RASGEF1A: variants seen among roughly 807,000 people sequenced by gnomAD.
RASGEF1A encodes RasGEF domain family member 1A, also known as ras-GEF domain-containing family member 1A.
RASGEF1A carries 18 observed loss-of-function variants against 56.4 expected under a neutral mutation model. That is an observed-to-expected ratio of 0.32 (90% CI 0.22 to 0.47). RASGEF1A has a LOEUF of 0.47. Ranked by LOEUF, RASGEF1A falls within the 20% of genes least tolerant of loss-of-function variation. The pLI is 1.00. For synonymous variants in RASGEF1A, 245 were observed against 242.6 expected, an observed-to-expected ratio of 1.01 and a Z score of -0.09; for missense variants, 422 against 627.1, an observed-to-expected ratio of 0.67 and a Z score of 3.49.
intron 1 of RASGEF1A, among the ~76,000 whole-genome samples, chr10:43,253,258 AT>A (rs1437422647): frequency 6.6e-6 from 1 of 152,106 alleles, no homozygotes; most frequent in African/African-American, 2.4e-5. Context: ...CCGTGTGTGG[AT>A]TTGAGGTCCT....
intron 1 of RASGEF1A, among the ~76,000 whole-genome samples, chr10:43,216,598 T>G (rs1173924534): frequency 2.0e-5 from 3 of 152,152 alleles, no homozygotes; most frequent in African/African-American, 7.2e-5. Flanking sequence ...TCCTGGATAG[T>G]AGACAGTGCT....
At chr10:43,215,975 C>A (rs533759867) in intron 1 of RASGEF1A, among the ~76,000 whole-genome samples, 3 of 152,330 alleles carry the variant, frequency 2.0e-5, no homozygotes, top group Non-Finnish European at 4.4e-5. Context: ...TGGACAGAAG[C>A]GCTGGCGCCA....
At chr10:43,244,703 A>G (rs1840550783) in intron 1 of RASGEF1A, among the ~76,000 whole-genome samples, 1 of 152,196 alleles carries the variant, frequency 6.6e-6, no homozygotes, top group Non-Finnish European at 1.5e-5. Context: ...TAACCAATGG[A>G]AAAAGAAGAA....
At position 43,210,853 on chromosome 10, in the gene RASGEF1A, C is replaced by CT. The variant is rs1270114640; in HGVS notation, c.-6-4732_-6-4731insA. 1.2e-3 allele frequency among the ~76,000 whole-genome samples: 178 copies of CT among 150,554 alleles called. 35 individuals are homozygous for CT. The highest frequency in any genetic ancestry group is 4.1e-3 in the African/African-American group (166 of 40,774). On this transcript the variant is annotated intron_variant, in intron 1 of 12. Coordinates refer to ENST00000395810, the MANE Select transcript of RASGEF1A (RefSeq NM_145313.4). ...TGGGGCTGGCCTGGAAGAGCAGCAG[C>CT]CCCTTGCAGGGAGTGGGGGACAGGC...
At chr10:43,227,847 T>A (rs1047989409) in intron 1 of RASGEF1A, among the ~76,000 whole-genome samples, 6 of 152,052 alleles carry the variant, frequency 3.9e-5, no homozygotes, top group African/African-American at 1.4e-4. Context: ...ACCTTCCCCA[T>A]CTCAATGAAA....
intron 1 of RASGEF1A, among the ~76,000 whole-genome samples, chr10:43,212,171 A>G (rs1275667112): frequency 6.6e-6 from 1 of 152,172 alleles, no homozygotes; most frequent in Admixed American, 6.5e-5. Context: ...CTGTTTTGAG[A>G]CACAGAAGTT....
At chr10:43,246,721 CA>C (rs971869322) in intron 1 of RASGEF1A, among the ~76,000 whole-genome samples, 3 of 152,132 alleles carry the variant, frequency 2.0e-5, no homozygotes, top group African/African-American at 7.2e-5. Flanking sequence ...TAGCCTCAAA[CA>C]AAGGAACACA....
intron 1 of RASGEF1A, among the ~76,000 whole-genome samples, chr10:43,221,528 C>T (rs970200195): frequency 2.0e-5 from 3 of 152,176 alleles, no homozygotes; most frequent in Admixed American, 6.5e-5. Flanking sequence ...TGATGTGCTA[C>T]CCAGGGCAAC....
chr10:43,217,026 C>T (rs1308774340), intron 1 of RASGEF1A, among the ~76,000 whole-genome samples: 1 of 152,194 alleles, frequency 6.6e-6, no homozygotes, highest in Admixed American at 6.5e-5. Context: ...AAAAAGAGCC[C>T]TCCGGGATCC....
chr10:43,199,033 G>A (rs549544015), intron 8 of RASGEF1A, 21 bp from the exon 9 acceptor site: 27 of 1,611,622 alleles, frequency 1.7e-5, no homozygotes, highest in South Asian at 1.5e-4. Flanking sequence ...CAGCAGGTAG[G>A]GTCAGGGCCG....
chr10:43,203,195 C>A, intron 3 of RASGEF1A, 103 bp downstream of exon 3: 2 of 1,231,192 alleles, frequency 1.6e-6, no homozygotes, highest in South Asian at 2.8e-5. Context: ...TGACCCCATC[C>A]CCCAGCTCTA....
intron 1 of RASGEF1A, among the ~76,000 whole-genome samples, chr10:43,221,401 C>T (rs1043544976): frequency 5.9e-5 from 9 of 152,324 alleles, no homozygotes; most frequent in Admixed American, 5.2e-4. Context: ...TCCATGCCTC[C>T]CCAGGGTGGC....
rs1391398811 is a variant in RASGEF1A at position 43,229,745 on chromosome 10, C to A, written c.-6-23623G>T. 3 of 1,324,044 alleles carry A rather than the reference C, an allele frequency of 2.3e-6. No homozygotes were observed. The African/African-American group carries it at 4.6e-5, about 20-fold the overall frequency. 82.0% of individuals were successfully genotyped at this position (1,324,044 alleles called of 1,614,324 possible). A position where few individuals can be genotyped will look rare whatever the true frequency, so the allele number is the denominator to read the frequency against. The stretch of plus-strand genomic sequence containing the variant: ...CCGCGAGCCAAGCAAGCACCCACTC[C>A]TGCGCCGGCCCCTGCCGCTGGACGC... On this transcript the variant is annotated intron_variant, in intron 1 of 12. Transcript: ENST00000395810.
intron 1 of RASGEF1A, among the ~76,000 whole-genome samples, chr10:43,245,691 C>A (rs186903286): frequency 6.8e-4 from 103 of 152,228 alleles, no homozygotes; most frequent in African/African-American, 2.1e-3. Context: ...GCAGAAAAAT[C>A]ATTTAATAAA....
Position 43,203,297 on chromosome 10 carries a change from C to A in RASGEF1A, c.321+1G>T, listed in dbSNP as rs1839938660. ...CGTGCCCCAGCCAGGCCCCGCCTCA[C>A]CTTTTCAGGCCCGGCTTCCAGCTGC... is the stretch of plus-strand genomic sequence containing the variant. On this transcript the variant is annotated splice_donor_variant, in intron 3 of 12. Coordinates refer to ENST00000395810, the MANE Select transcript of RASGEF1A (RefSeq NM_145313.4). LOFTEE classifies it high-confidence loss of function. The A allele has an allele frequency of 1.3e-6, 2 of 1,553,930 alleles. No individual in the cohort carries two copies. Among genetic ancestry groups the A allele is most frequent in the Admixed American group, 3.9e-5 (2 of 51,812 alleles).
At chr10:43,197,948 G>A in intron 10 of RASGEF1A, 56 bp downstream of exon 10, 1 of 1,466,956 alleles carries the variant, frequency 6.8e-7, no homozygotes, top group Non-Finnish European at 9.3e-7. Context: ...ATGCCTGGCG[G>A]CTCCAGTAGC....
chr10:43,243,064 G>A (rs1367074426), intron 1 of RASGEF1A, among the ~76,000 whole-genome samples: 45 of 150,748 alleles, frequency 3.0e-4, no homozygotes, highest in Admixed American at 5.9e-4. Context: ...CTGCCCGGCC[G>A]CCACCCCATC....
chr10:43,206,738 G>A, intron 1 of RASGEF1A: 1 of 986,620 alleles, frequency 1.0e-6, no homozygotes, highest in Non-Finnish European at 1.2e-6. Flanking sequence ...AGCTTGCTCA[G>A]GCAGGCGGTA....
At chr10:43,201,286 GC>G (rs1220994132) in intron 4 of RASGEF1A, among the ~76,000 whole-genome samples, 1 of 152,236 alleles carries the variant, frequency 6.6e-6, no homozygotes, top group Non-Finnish European at 1.5e-5. Context: ...GTTGGGAGCA[GC>G]CTGGGGTCCC....
Sources: allele counts gnomAD v4.1 joint callset (sites outside exome capture counted in the v4.1 genomes callset), GRCh38; gene constraint gnomAD v4.1.1; transcripts MANE v1.5; gene names NCBI Gene and HGNC (gene_info 2026-07-23, HGNC 2026-07-21).